ASTN2: variants seen among roughly 807,000 people sequenced by gnomAD.
ASTN2 encodes astrotactin-2.
A neutral mutation model predicts 139.8 loss-of-function variants in ASTN2; 54 were observed. The observed-to-expected ratio is 0.39, with a 90% CI of 0.31 to 0.48. ASTN2 has a LOEUF of 0.48. Among genes scored for constraint, ASTN2 ranks in the 20% least tolerant of loss-of-function variants. The pLI is 0.95. For missense variants in ASTN2, 1,565 were observed against 1,725.1 expected, an observed-to-expected ratio of 0.91 and a Z score of 1.64; for synonymous variants, 756 against 719.5, an observed-to-expected ratio of 1.05 and a Z score of -0.81.
intron 1 of ASTN2, among the ~76,000 whole-genome samples, chr9:117,373,147 T>C (rs1434391039): frequency 6.6e-6 from 1 of 152,156 alleles, no homozygotes; most frequent in African/African-American, 2.4e-5. Context: ...GCATTTAAAA[T>C]TTATCTAATT....
intron 4 of ASTN2, among the ~76,000 whole-genome samples, chr9:117,104,682 T>C (rs888619060): frequency 3.3e-5 from 5 of 152,226 alleles, no homozygotes; most frequent in Non-Finnish European, 5.9e-5. Flanking sequence ...GGTTTTTCTC[T>C]GGATGATAAG....
Position 117,089,735 on chromosome 9 carries a change from G to A in ASTN2, c.1276+6309C>T, listed in dbSNP as rs56727946. Among the ~76,000 whole-genome samples the A allele has an allele frequency of 9.4e-3, 1,342 of 143,416 alleles. 24 individuals carry two copies. The highest frequency in any genetic ancestry group is 0.033 in the African/African-American group (1,268 of 38,190). The allele number at this position is 143,416 out of a possible 152,430, so 94.1% of individuals were successfully genotyped here. ...CATTGTATTCTTCTTATGCCTTTGC[G>A]TCACCATAGTTTAGCTCCCACATAT... is the stretch of plus-strand genomic sequence containing the variant. On this transcript the variant is annotated intron_variant, in intron 5 of 22. Transcript: ENST00000313400.
intron 19 of ASTN2, among the ~76,000 whole-genome samples, chr9:116,575,519 C>T (rs1853688965): frequency 6.6e-6 from 1 of 152,108 alleles, no homozygotes; most frequent in African/African-American, 2.4e-5. Context: ...AGAGAAAAAG[C>T]ACATCTTTAC....
intron 10 of ASTN2, among the ~76,000 whole-genome samples, chr9:116,913,281 T>G (rs916382555): frequency 6.6e-6 from 1 of 152,204 alleles, no homozygotes; most frequent in Non-Finnish European, 1.5e-5. Context: ...TCCTTTTACT[T>G]TCCCTGACAT....
At chr9:117,089,841 T>C (rs534044233) in intron 5 of ASTN2, among the ~76,000 whole-genome samples, 16 of 152,366 alleles carry the variant, frequency 1.1e-4, no homozygotes, top group South Asian at 2.1e-4. Context: ...ATCCAGGTTG[T>C]GGCAAATGCC....
intron 10 of ASTN2, among the ~76,000 whole-genome samples, chr9:116,890,887 T>A (rs2132387863): frequency 6.6e-6 from 1 of 152,252 alleles, no homozygotes; most frequent in Admixed American, 6.5e-5. Flanking sequence ...TTGATCTTAT[T>A]GGTGATTTTA....
intron 15 of ASTN2, 102 bp from the exon 16 acceptor site, chr9:116,726,052 T>A: frequency 8.6e-7 from 1 of 1,157,828 alleles, no homozygotes; most frequent in South Asian, 1.5e-5. Flanking sequence ...TTTTGTGCCT[T>A]ACCCCTCAGC....
At chr9:116,495,679 C>T (rs764204593) in intron 19 of ASTN2, among the ~76,000 whole-genome samples, 5 of 152,126 alleles carry the variant, frequency 3.3e-5, no homozygotes, top group Admixed American at 6.5e-5. Context: ...AAAAATAATG[C>T]TCACAGATCT....
intron 10 of ASTN2, among the ~76,000 whole-genome samples, chr9:116,877,146 G>A (rs533135144): frequency 2.8e-4 from 42 of 152,238 alleles, no homozygotes; most frequent in African/African-American, 9.1e-4. Context: ...TAGATTGTGC[G>A]GTCTAACCCC....
At chr9:117,181,038 G>A in intron 3 of ASTN2, 2 of 1,536,368 alleles carry the variant, frequency 1.3e-6, no homozygotes, top group African/African-American at 1.4e-5. Context: ...GTAGCGCAAG[G>A]TCAGAAACAT....
At chr9:116,888,448 T>C (rs1833674355) in intron 10 of ASTN2, among the ~76,000 whole-genome samples, 1 of 152,184 alleles carries the variant, frequency 6.6e-6, no homozygotes. Context: ...AAACTATATA[T>C]TATGATATTA....
chr9:116,558,058 A>T (rs1852722827), intron 19 of ASTN2, among the ~76,000 whole-genome samples: 1 of 152,210 alleles, frequency 6.6e-6, no homozygotes. Context: ...GCAAATGAGT[A>T]CTGTGATCCC....
chr9:116,467,742 T>C (rs562278721), intron 20 of ASTN2, among the ~76,000 whole-genome samples: 12 of 152,328 alleles, frequency 7.9e-5, no homozygotes, highest in African/African-American at 2.6e-4. Context: ...CTTTATAAAG[T>C]TGTTGTGATG....
chr9:116,918,771 T>C (rs1329864728), intron 10 of ASTN2, among the ~76,000 whole-genome samples: 1 of 152,212 alleles, frequency 6.6e-6, no homozygotes, highest in Non-Finnish European at 1.5e-5. Context: ...AGGAAGCTGG[T>C]GCAGAGTTGT....
At chr9:116,622,315 T>C (rs73655441) in intron 17 of ASTN2, among the ~76,000 whole-genome samples, 3,757 of 152,260 alleles carry the variant, frequency 0.025, 150 homozygotes, top group African/African-American at 0.086. Flanking sequence ...CTGCCACATG[T>C]TCTTATCCAT....
chr9:116,767,066 T>TCA (rs1361971872), intron 13 of ASTN2, among the ~76,000 whole-genome samples: 1 of 152,030 alleles, frequency 6.6e-6, no homozygotes, highest in African/African-American at 2.4e-5. Flanking sequence ...AACAGTTGCA[T>TCA]CACACACACA....
At chr9:116,501,594 T>C (rs1264258490) in intron 19 of ASTN2, among the ~76,000 whole-genome samples, 2 of 151,988 alleles carry the variant, frequency 1.3e-5, no homozygotes, top group African/African-American at 4.8e-5. Flanking sequence ...AGTGTAAAAG[T>C]GTTCCTATTT....
At chr9:117,341,640 CAG>C in intron 1 of ASTN2, among the ~76,000 whole-genome samples, 1 of 152,116 alleles carries the variant, frequency 6.6e-6, no homozygotes, top group Middle Eastern at 3.4e-3. Context: ...GATTTATCAG[CAG>C]AGAGAGAAAA....
chr9:116,636,540 T>G (rs1177826475), intron 17 of ASTN2, among the ~76,000 whole-genome samples: 2 of 151,962 alleles, frequency 1.3e-5, no homozygotes, highest in Non-Finnish European at 1.5e-5. Flanking sequence ...CCAGATGTGG[T>G]GGTGGGTACC....
Sources: allele counts gnomAD v4.1 joint callset (sites outside exome capture counted in the v4.1 genomes callset), GRCh38; gene constraint gnomAD v4.1.1; transcripts MANE v1.5; gene names NCBI Gene and HGNC (gene_info 2026-07-23, HGNC 2026-07-21).